MEF2D: variants seen among roughly 807,000 people sequenced by gnomAD.
MEF2D encodes myocyte enhancer factor 2D.
MEF2D carries 10 observed loss-of-function variants against 59.3 expected under a neutral mutation model. The ratio of observed to expected loss-of-function variants is 0.17; its 90% CI spans 0.10 to 0.29. The LOEUF (loss-of-function observed/expected upper bound fraction) is 0.29. Ranked by LOEUF, MEF2D falls within the 10% of genes least tolerant of loss-of-function variation. The pLI is 1.00. For synonymous variants in MEF2D, 305 were observed against 295.0 expected (o/e 1.03, Z -0.35); for missense variants, 508 against 699.4 (o/e 0.73, Z 3.09).
chr1:156,483,462 G>A (rs1361008023), intron 1 of MEF2D, 32 bp from the exon 2 acceptor site: 9 of 643,560 alleles, frequency 1.4e-5, no homozygotes, highest in African/African-American at 3.7e-5. Flanking sequence ...AGGTCTCTGA[G>A]CCCCCAAAAC....
At chr1:156,499,740 G>A (rs911134741) in intron 1 of MEF2D, among the ~76,000 whole-genome samples, 11 of 152,028 alleles carry the variant, frequency 7.2e-5, no homozygotes, top group Non-Finnish European at 1.0e-4. Flanking sequence ...CAAACTTCTG[G>A]CCAGGGAGTT....
chr1:156,474,840 A>G (rs1369259192), intron 9 of MEF2D, among the ~76,000 whole-genome samples: 1 of 152,248 alleles, frequency 6.6e-6, no homozygotes, highest in Non-Finnish European at 1.5e-5. Flanking sequence ...ACCCAAAAAT[A>G]AAATATGTCT....
At chr1:156,471,424 C>T (rs943582883) in intron 9 of MEF2D, among the ~76,000 whole-genome samples, 7 of 152,198 alleles carry the variant, frequency 4.6e-5, no homozygotes, top group East Asian at 3.8e-4. Flanking sequence ...CCACCGCGCC[C>T]GGCCAGAATC....
At chr1:156,481,004 G>C (rs772768771) in intron 3 of MEF2D, 33 bp from the exon 4 acceptor site, 1 of 1,610,744 alleles carries the variant, frequency 6.2e-7, no homozygotes, top group South Asian at 1.1e-5. Context: ...AGCTGGGTGA[G>C]AGTCCTTCCC....
chr1:156,479,466 C>T, intron 5 of MEF2D, 120 bp from the exon 6 acceptor site: 1 of 1,486,622 alleles, frequency 6.7e-7, no homozygotes, highest in Non-Finnish European at 9.2e-7. Flanking sequence ...CCCTCAGGAG[C>T]CATACAAATG....
chr1:156,484,480 A>G (rs1672221338), intron 1 of MEF2D, among the ~76,000 whole-genome samples: 1 of 152,252 alleles, frequency 6.6e-6, no homozygotes. Flanking sequence ...CACGGGCCAT[A>G]GTTTGCTGAT....
At chr1:156,467,679 A>AG in intron 11 of MEF2D, 23 bp from the exon 12 acceptor site, 1 of 1,343,464 alleles carries the variant, frequency 7.4e-7, no homozygotes, top group South Asian at 2.7e-5. Context: ...GAGATGGAGA[A>AG]GGGGGTGTGA....
intron 1 of MEF2D, among the ~76,000 whole-genome samples, chr1:156,487,284 A>G (rs1557892030): frequency 6.6e-6 from 1 of 152,234 alleles, no homozygotes; most frequent in East Asian, 1.9e-4. Flanking sequence ...GAGAGAAGTC[A>G]GGGTTAAAAA....
chr1:156,467,952 G>A (rs201447601), intron 11 of MEF2D, 41 bp downstream of exon 11: 209 of 1,582,058 alleles, frequency 1.3e-4, no homozygotes, highest in Admixed American at 2.4e-4. Flanking sequence ...GTCCCTGGGT[G>A]TAGCAGACAC....
chr1:156,471,908 G>A (rs917431103), intron 9 of MEF2D, among the ~76,000 whole-genome samples: 2 of 152,226 alleles, frequency 1.3e-5, no homozygotes, highest in Non-Finnish European at 2.9e-5. Flanking sequence ...GAGAGGAGAT[G>A]AGAAATCTCA....
At chr1:156,479,231 C>G (rs1671817033) in intron 6 of MEF2D, 59 bp downstream of exon 6, 2 of 1,472,702 alleles carry the variant, frequency 1.4e-6, no homozygotes, top group Middle Eastern at 1.8e-4. Context: ...CTTGGACCCC[C>G]TGAGGCCACT....
At chr1:156,497,986 TC>T (rs1673230827) in intron 1 of MEF2D, among the ~76,000 whole-genome samples, 1 of 150,812 alleles carries the variant, frequency 6.6e-6, no homozygotes, top group African/African-American at 2.5e-5. Flanking sequence ...CAAGGCCTCC[TC>T]GGGGGCCAAG....
chr1:156,477,579 AG>A (rs745734585), intron 6 of MEF2D, among the ~76,000 whole-genome samples: 34 of 152,204 alleles, frequency 2.2e-4, no homozygotes, highest in Non-Finnish European at 4.3e-4. Flanking sequence ...CTCCACAGAC[AG>A]GAAGTCCAGC....
chr1:156,473,844 C>T (rs1429529185), intron 9 of MEF2D, among the ~76,000 whole-genome samples: 2 of 152,326 alleles, frequency 1.3e-5, no homozygotes, highest in Admixed American at 1.3e-4. Context: ...CACCACCATG[C>T]CAAAACTAGA....
intron 9 of MEF2D, among the ~76,000 whole-genome samples, chr1:156,470,731 C>T (rs541566111): frequency 1.6e-4 from 24 of 152,222 alleles, no homozygotes; most frequent in Non-Finnish European, 3.2e-4. Flanking sequence ...ATCCTACCTA[C>T]ATCACACAGC....
chr1:156,469,510 G>A (rs1671085702), intron 9 of MEF2D, among the ~76,000 whole-genome samples: 3 of 151,394 alleles, frequency 2.0e-5, no homozygotes, highest in South Asian at 2.1e-4. Context: ...CGCCCACCTC[G>A]GCCTCCCAAA....
chr1:156,483,617 A>T (rs115344439), intron 1 of MEF2D, among the ~76,000 whole-genome samples, 187 bp from the exon 2 acceptor site: 290 of 152,336 alleles, frequency 1.9e-3, no homozygotes, highest in African/African-American at 6.3e-3. Flanking sequence ...GCTGGAGCTC[A>T]CACCAAGGCC....
At chr1:156,483,063 A>G (rs529436649) in intron 2 of MEF2D, among the ~76,000 whole-genome samples, 176 bp downstream of exon 2, 107 of 152,256 alleles carry the variant, frequency 7.0e-4, no homozygotes, top group African/African-American at 2.3e-3. Flanking sequence ...AGGGACGCAG[A>G]GCTCCAAGAG....
intron 11 of MEF2D, 138 bp from the exon 12 acceptor site, chr1:156,467,794 A>G (rs1670951396): frequency 9.3e-7 from 1 of 1,075,764 alleles, no homozygotes; most frequent in African/African-American, 1.6e-5. Context: ...CATCGAGCAG[A>G]AGGACTGATG....
Sources: gnomAD v4.1 joint callset for allele counts (sites outside exome capture counted in the v4.1 genomes callset) on GRCh38, gnomAD v4.1.1 for gene constraint, MANE v1.5 for transcripts, NCBI Gene and HGNC (gene_info 2026-07-23, HGNC 2026-07-21) for gene names.